Variants in MLF2 observed in about 807,000 individuals in gnomAD.
MLF2 encodes the protein myeloid leukemia factor 2.
A neutral mutation model predicts 31.4 loss-of-function variants in MLF2; 12 were observed. The ratio of observed to expected loss-of-function variants is 0.38; its 90% CI spans 0.24 to 0.62. The LOEUF is 0.62. Among genes scored for constraint, MLF2 ranks in the 20% least tolerant of loss-of-function variants. The pLI is 0.58. For synonymous variants in MLF2, 109 were observed against 118.8 expected, an observed-to-expected ratio of 0.92 and a Z score of 0.54; for missense variants, 272 against 359.7, an observed-to-expected ratio of 0.76 and a Z score of 1.97.
In MLF2 at chr12:6,748,809, G is replaced by A. The variant is rs1187299156; in HGVS notation, c.733C>T (p.Arg245Cys). ...PEDSPSRQSR[R>C]YDW ...GCCCGGGGCCCTCACCAGTCATAGCGGCGGGACTGTCGGGAAGGGGAGTCC... is the reference window on the plus strand; with the variant it reads ...GCCCGGGGCCCTCACCAGTCATAGCAGCGGGACTGTCGGGAAGGGGAGTCC... Residue 245 changes from arginine (R) to cysteine (C), a missense_variant, in exon 8 of 9, where the codon CGC becomes TGC. By Grantham distance (180) the Arg-to-Cys change is radical (BLOSUM62 -3). Transcript: ENST00000203630. This position sits in a 1 kb window ranked among gnomAD's most constrained non-coding sequence, Gnocchi z 4.6. 1.9e-6 allele frequency: 3 copies of A among 1,540,222 alleles called. No homozygotes were observed. Among genetic ancestry groups the A allele is most frequent in the Non-Finnish European group, 2.6e-6 (3 of 1,151,916 alleles).
Position 6,751,696 on chromosome 12 carries a change from A to G in MLF2, c.181-20T>C, listed in dbSNP as rs1382810409. On this transcript the variant is annotated intron_variant, in intron 3 of 8. Coordinates refer to ENST00000203630, the MANE Select transcript of MLF2 (RefSeq NM_001382226.1). Reference sequence around the variant, plus strand: ...TCCAGCCTACAGGAACACATGAGGAACAGAAATTAGAGACCACATCCTATC... The same window carrying G: ...TCCAGCCTACAGGAACACATGAGGAGCAGAAATTAGAGACCACATCCTATC... 3.1e-6 allele frequency: 5 copies of G among 1,613,920 alleles called. No homozygotes were observed. Among genetic ancestry groups the G allele is most frequent in the Non-Finnish European group, 3.4e-6 (4 of 1,179,776 alleles).
rs1229260666 is a variant in MLF2 at position 6,750,225 on chromosome 12, G to A, written c.351C>T (p.Ala117=). 1 of 1,614,184 alleles carries A rather than the reference G, an allele frequency of 6.2e-7. No individual in the cohort carries two copies. Among genetic ancestry groups the A allele is most frequent in the Non-Finnish European group, 8.5e-7 (1 of 1,180,030 alleles). ...CTGATGTCTCTTGGTAGACCTTGGG[G>A]GCACCATCACCCGTATTGGAGTAGG... The part of the protein sequence containing the change: ...VISYSNTGDG[A]PKVYQETSEM... The change falls in exon 6 of 9, where the codon GCC becomes GCT. Residue 117 remains alanine, a synonymous_variant. Transcript: ENST00000203630. This position sits in a 1 kb window ranked among gnomAD's most constrained non-coding sequence, Gnocchi z 5.3.
chr12:6,750,863 C>G lies in MLF2; in HGVS notation c.217-97G>C. The stretch of plus-strand genomic sequence containing the variant: ...CCACAACCCACATGGCTGCACATTT[C>G]CTTTCTCTTCTTCCTTCACATCTAG... On this transcript the variant is annotated intron_variant, in intron 4 of 8. Transcript: ENST00000203630. This position sits in a 1 kb window ranked among gnomAD's most constrained non-coding sequence, Gnocchi z 5.3. The G allele has an allele frequency of 9.7e-7, 1 of 1,028,390 alleles. No individual in the cohort carries two copies. The highest frequency in any genetic ancestry group is 1.5e-6 in the Non-Finnish European group (1 of 660,552). 63.7% of individuals were successfully genotyped at this position (1,028,390 alleles called of 1,614,324 possible).
Position 6,748,476 on chromosome 12 carries a change from T to G in MLF2, c.*97A>C. The G allele has an allele frequency of 8.2e-6, 2 of 244,890 alleles. No homozygotes were observed. The highest frequency in any genetic ancestry group is 1.5e-5 in the Non-Finnish European group (2 of 129,108). 15.2% of individuals were successfully genotyped at this position (244,890 alleles called of 1,614,324 possible). ...GGGGCCGGCTTGCCTGTTAATTTAA[T>G]ATTAAATTGGGGATGGGAATCGAGA... is the stretch of plus-strand genomic sequence containing the variant. On this transcript the variant is annotated 3_prime_UTR_variant, in exon 9 of 9. Transcript: ENST00000203630. This position sits in a 1 kb window ranked among gnomAD's most constrained non-coding sequence, Gnocchi z 4.6.
At position 6,749,399 on chromosome 12, in the gene MLF2, G is replaced by A. The variant is rs1257827393; in HGVS notation, c.560-417C>T. ...ACCTGACTCCGCCCGAGCGGAGGAG[G>A]CTCCAAGTGCGGTAAGAATATGGGA... On this transcript the variant is annotated intron_variant, in intron 7 of 8. Transcript: ENST00000203630. The surrounding 1 kb of genome is among the most constrained non-coding windows in gnomAD (Gnocchi z 5.3). 6.6e-6 allele frequency among the ~76,000 whole-genome samples: 1 copy of A among 152,230 alleles called. No homozygotes were observed. Among genetic ancestry groups the A allele is most frequent in the Non-Finnish European group, 1.5e-5 (1 of 68,038 alleles).
At chr12:6,751,593 G>C (rs1225438964) in intron 4 of MLF2, 48 bp downstream of exon 4, 1 of 1,583,240 alleles carries the variant, frequency 6.3e-7, no homozygotes, top group Non-Finnish European at 8.7e-7. Flanking sequence ...ATATCTAAGG[G>C]TAGAGAGTGT....
Position 6,750,199 on chromosome 12 carries a change from T to C in MLF2, c.377A>G (p.Glu126Gly). The change falls in exon 6 of 9, where the codon GAG (glutamate) becomes GGG (glycine). Residue 126 changes from glutamate to glycine, a missense_variant. By Grantham distance (98) the Glu-to-Gly change is moderately conservative. Coordinates refer to ENST00000203630, the MANE Select transcript of MLF2 (RefSeq NM_001382226.1). The surrounding 1 kb of genome is among the most constrained non-coding windows in gnomAD (Gnocchi z 5.3). ...CACCCCGCCTGGTGCCGAGCGCATC[T>C]CTGATGTCTCTTGGTAGACCTTGGG... ...GAPKVYQETSEMRSAPGGIRE... is the reference protein window; with the variant it reads ...GAPKVYQETSGMRSAPGGIRE... 2 of 1,614,186 alleles carry C rather than the reference T, an allele frequency of 1.2e-6. No homozygotes were observed. The highest frequency in any genetic ancestry group is 1.7e-6 in the Non-Finnish European group (2 of 1,180,034).
In MLF2 at chr12:6,752,601, C is replaced by T; in HGVS notation, c.-28-239G>A. On this transcript the variant is annotated intron_variant, in intron 1 of 8. Coordinates refer to ENST00000203630, the MANE Select transcript of MLF2 (RefSeq NM_001382226.1). This position sits in a 1 kb window ranked among gnomAD's most constrained non-coding sequence, Gnocchi z 4.6. ...ACCCTCTCGGTTTTTCCCTCCCCCACTCAGAGCCATCCTCTTCCCAAAGCT... is the reference window on the plus strand; with the variant it reads ...ACCCTCTCGGTTTTTCCCTCCCCCATTCAGAGCCATCCTCTTCCCAAAGCT... 2.2e-6 allele frequency: 1 copy of T among 445,544 alleles called. No individual in the cohort carries two copies. The highest frequency in any genetic ancestry group is 4.1e-6 in the Non-Finnish European group (1 of 244,220). The allele number at this position is 445,544 out of a possible 1,614,324, so 27.6% of individuals were successfully genotyped here. A position where few individuals can be genotyped will look rare whatever the true frequency, so the allele number is the denominator to read the frequency against.
Position 6,748,783 on chromosome 12 carries a change from G to A in MLF2, c.*12C>T, listed in dbSNP as rs1941563863. 4 of 1,515,998 alleles carry A rather than the reference G, an allele frequency of 2.6e-6. No homozygotes were observed. The highest frequency in any genetic ancestry group is 5.1e-5 in the East Asian group (2 of 39,082). The allele number at this position is 1,515,998 out of a possible 1,614,324, so 93.9% of individuals were successfully genotyped here. On this transcript the variant is annotated 3_prime_UTR_variant, in exon 8 of 9. Coordinates refer to ENST00000203630, the MANE Select transcript of MLF2 (RefSeq NM_001382226.1). This position sits in a 1 kb window ranked among gnomAD's most constrained non-coding sequence, Gnocchi z 4.6. ...CCTGATACTTACAAGAGAGGCTGAG[G>A]GCCCGGGGCCCTCACCAGTCATAGC...
Position 6,749,126 on chromosome 12 carries a change from CT to C in MLF2, c.560-145del. 2 of 891,868 alleles carry C rather than the reference CT, an allele frequency of 2.2e-6. No homozygotes were observed. The highest frequency in any genetic ancestry group is 1.9e-5 in the South Asian group (1 of 51,616). 55.2% of individuals were successfully genotyped at this position (891,868 alleles called of 1,614,324 possible). On this transcript the variant is annotated intron_variant, in intron 7 of 8. Coordinates refer to ENST00000203630, the MANE Select transcript of MLF2 (RefSeq NM_001382226.1). The surrounding 1 kb of genome is among the most constrained non-coding windows in gnomAD (Gnocchi z 5.3). Reference sequence around the variant, plus strand: ...GGGTGGGGTGGCAATTCCCTTAGCTCTTTTGGTTTCTGCACGGTCCCAGGAA... The same window carrying C: ...GGGTGGGGTGGCAATTCCCTTAGCTCTTTGGTTTCTGCACGGTCCCAGGAA...
Position 6,750,438 on chromosome 12 carries a change from C to T in MLF2, c.271-133G>A. 1 of 1,242,856 alleles carries T rather than the reference C, an allele frequency of 8.0e-7. No individual in the cohort carries two copies. The highest frequency in any genetic ancestry group is 1.5e-5 in the South Asian group (1 of 68,070). 77.0% of individuals were successfully genotyped at this position (1,242,856 alleles called of 1,614,324 possible). A position where few individuals can be genotyped will look rare whatever the true frequency, so the allele number is the denominator to read the frequency against. Reference sequence around the variant, plus strand: ...CAAGAACTGAAAAAACATCAGGCCTCATCATTACCCTCCCAAATTCCTCTG... The same window carrying T: ...CAAGAACTGAAAAAACATCAGGCCTTATCATTACCCTCCCAAATTCCTCTG... On this transcript the variant is annotated intron_variant, in intron 5 of 8. Coordinates refer to ENST00000203630, the MANE Select transcript of MLF2 (RefSeq NM_001382226.1). The surrounding 1 kb of genome is among the most constrained non-coding windows in gnomAD (Gnocchi z 5.3).
chr12:6,752,019 CG>C lies in MLF2; in HGVS notation c.85del (p.Arg29ValfsTer54), dbSNP rs1565475420. On this transcript the variant is annotated frameshift_variant, in exon 3 of 9. Coordinates refer to ENST00000203630, the MANE Select transcript of MLF2 (RefSeq NM_001382226.1). LOFTEE classifies it high-confidence loss of function. This position sits in a 1 kb window ranked among gnomAD's most constrained non-coding sequence, Gnocchi z 4.6. ...PFAIHRQHMS[R>X]MLSGGFGYSP... ...ATATCCAAAGCCACCTGACAACATA[CG>C]GCTCATATGCTGACGGTGAATAGCA... The C allele has an allele frequency of 6.2e-7, 1 of 1,614,194 alleles. No individual in the cohort carries two copies.
In MLF2 at chr12:6,752,018, A is replaced by G; in HGVS notation, c.87T>C (p.Arg29=). The G allele has an allele frequency of 6.2e-7, 1 of 1,614,210 alleles. No individual in the cohort carries two copies. Among genetic ancestry groups the G allele is most frequent in the Non-Finnish European group, 8.5e-7 (1 of 1,180,044 alleles). ...TATATCCAAAGCCACCTGACAACAT[A>G]CGGCTCATATGCTGACGGTGAATAG... ...PFAIHRQHMS[R]MLSGGFGYSP... The change falls in exon 3 of 9, where the codon CGT becomes CGC. Residue 29 remains arginine, a synonymous_variant. Coordinates refer to ENST00000203630, the MANE Select transcript of MLF2 (RefSeq NM_001382226.1). This position sits in a 1 kb window ranked among gnomAD's most constrained non-coding sequence, Gnocchi z 4.6.
rs59560168 is a variant in MLF2 at position 6,752,081 on chromosome 12, G to A, written c.51-27C>T. 7.3e-3 allele frequency: 11,707 copies of A among 1,613,516 alleles called. 317 individuals carry two copies. In the African/African-American group the frequency reaches 0.08, roughly 11 times the overall value. ...TGTGGAGTGAGCACATAGTATGGAT[G>A]GCAGAAGCGCCAAACTGTCAATCCC... is the stretch of plus-strand genomic sequence containing the variant. On this transcript the variant is annotated intron_variant, in intron 2 of 8. Transcript: ENST00000203630. The surrounding 1 kb of genome is among the most constrained non-coding windows in gnomAD (Gnocchi z 4.6).
intron 3 of MLF2, 54 bp downstream of exon 3, chr12:6,751,871 C>T: frequency 6.2e-7 from 1 of 1,607,186 alleles, no homozygotes; most frequent in Non-Finnish European, 8.5e-7. Context: ...TAAGTGCTTT[C>T]CTAACTAACC....
At chr12:6,751,577 G>C in intron 4 of MLF2, 64 bp downstream of exon 4, 1 of 1,543,796 alleles carries the variant, frequency 6.5e-7, no homozygotes, top group Non-Finnish European at 8.9e-7. Context: ...GGCACATTTG[G>C]GAATAATATC....
chr12:6,752,398 G>T lies in MLF2; in HGVS notation c.-28-36C>A. ...ATGGAAGCTCAGATACTTGGAGGTG[G>T]CCAGGGTTTTGCACACCCACTCAGT... On this transcript the variant is annotated intron_variant, in intron 1 of 8. Coordinates refer to ENST00000203630, the MANE Select transcript of MLF2 (RefSeq NM_001382226.1). This position sits in a 1 kb window ranked among gnomAD's most constrained non-coding sequence, Gnocchi z 4.6. 6.5e-7 allele frequency: 1 copy of T among 1,528,450 alleles called. No homozygotes were observed. Among genetic ancestry groups the T allele is most frequent in the Non-Finnish European group, 8.9e-7 (1 of 1,127,086 alleles). The allele number at this position is 1,528,450 out of a possible 1,614,324, so 94.7% of individuals were successfully genotyped here.
At position 6,750,834 on chromosome 12, in the gene MLF2, G is replaced by C; in HGVS notation, c.217-68C>G. On this transcript the variant is annotated intron_variant, in intron 4 of 8. Transcript: ENST00000203630. The surrounding 1 kb of genome is among the most constrained non-coding windows in gnomAD (Gnocchi z 5.3). ...AGTGTTCAGAGTTGATCCTGTTTAG[G>C]AACCCACAACCCACATGGCTGCACA... 2 of 1,422,708 alleles carry C rather than the reference G, an allele frequency of 1.4e-6. No homozygotes were observed. The highest frequency in any genetic ancestry group is 2.0e-6 in the Non-Finnish European group (2 of 1,009,312). The allele number at this position is 1,422,708 out of a possible 1,614,324, so 88.1% of individuals were successfully genotyped here. A position where few individuals can be genotyped will look rare whatever the true frequency, so the allele number is the denominator to read the frequency against.
In MLF2 at chr12:6,751,997, T is replaced by A. The variant is rs188108812; in HGVS notation, c.108A>T (p.Gly36=). Residue 36 remains glycine (G), a synonymous_variant, in exon 3 of 9, where the codon GGA becomes GGT. Transcript: ENST00000203630. ...HMSRMLSGGF[G]YSPFLSITDG... ...CTGTGATGCTGAGGAAGGGGCTATATCCAAAGCCACCTGACAACATACGGC... is the reference window on the plus strand; with the variant it reads ...CTGTGATGCTGAGGAAGGGGCTATAACCAAAGCCACCTGACAACATACGGC... The A allele has an allele frequency of 6.2e-7, 1 of 1,614,006 alleles. No homozygotes were observed. The highest frequency in any genetic ancestry group is 8.5e-7 in the Non-Finnish European group (1 of 1,180,042).
Sources: gnomAD v4.1 joint callset for allele counts (sites outside exome capture counted in the v4.1 genomes callset) on GRCh38, gnomAD v4.1.1 for gene constraint, Gnocchi (gnomAD v3.1) non-coding constraint, MANE v1.5 for transcripts, NCBI Gene and HGNC (gene_info 2026-07-23, HGNC 2026-07-21) for gene names.